PRKD1: variants seen among roughly 807,000 people sequenced by gnomAD.
PRKD1 encodes the protein protein kinase D1.
PRKD1 carries 63 observed loss-of-function variants against 95.9 expected under a neutral mutation model. That is an observed-to-expected ratio of 0.66 (90% CI 0.54 to 0.81). The LOEUF is 0.81. PRKD1 is among the 30% of genes least tolerant of loss of function. PRKD1 has a pLI of 0.00. For missense variants in PRKD1, 1,048 were observed against 1,165.3 expected (o/e 0.90, Z 1.47); for synonymous variants, 425 against 423.1 (o/e 1.00, Z -0.05).
At chr14:29,800,135 T>C (rs1889967409) in intron 1 of PRKD1, among the ~76,000 whole-genome samples, 1 of 152,216 alleles carries the variant, frequency 6.6e-6, no homozygotes, top group South Asian at 2.1e-4. Context: ...CATGAGATTA[T>C]GTATAGGTCG....
At chr14:29,779,568 T>C (rs1010185381) in intron 1 of PRKD1, among the ~76,000 whole-genome samples, 1 of 152,010 alleles carries the variant, frequency 6.6e-6, no homozygotes, top group South Asian at 2.1e-4. Context: ...TACCTAGGAA[T>C]CCAACTTACA....
intron 1 of PRKD1, among the ~76,000 whole-genome samples, chr14:29,869,510 T>G (rs1426217056): frequency 2.0e-5 from 3 of 151,474 alleles, no homozygotes; most frequent in Non-Finnish European, 4.4e-5. Flanking sequence ...TCAGTAAATC[T>G]CAGTAACCAA....
intron 1 of PRKD1, among the ~76,000 whole-genome samples, chr14:29,926,668 G>A (rs558917159): frequency 1.3e-5 from 2 of 152,256 alleles, no homozygotes; most frequent in East Asian, 3.9e-4. Context: ...AGGTTTTGTC[G>A]TTGGAAAATG....
intron 1 of PRKD1, among the ~76,000 whole-genome samples, chr14:29,855,817 A>G (rs1892477701): frequency 6.6e-6 from 1 of 152,022 alleles, no homozygotes; most frequent in Admixed American, 6.5e-5. Context: ...TAAAAATGGG[A>G]GTTTCCCTGC....
intron 16 of PRKD1, among the ~76,000 whole-genome samples, chr14:29,586,397 G>T (rs935315380): frequency 1.3e-5 from 2 of 152,118 alleles, no homozygotes; most frequent in Admixed American, 6.6e-5. Context: ...ACTTAAAGGA[G>T]ACAATTGAAA....
At chr14:29,624,917 C>G (rs1273182654) in intron 12 of PRKD1, among the ~76,000 whole-genome samples, 2 of 152,138 alleles carry the variant, frequency 1.3e-5, no homozygotes, top group Non-Finnish European at 2.9e-5. Context: ...GGAGCACCCC[C>G]AAGTTCTTAA....
intron 1 of PRKD1, among the ~76,000 whole-genome samples, chr14:29,760,194 G>T (rs896626857): frequency 1.3e-5 from 2 of 151,996 alleles, no homozygotes; most frequent in Non-Finnish European, 1.5e-5. Context: ...TGGAGAAATT[G>T]TTCTACATTC....
At chr14:29,803,187 T>A (rs1319241612) in intron 1 of PRKD1, among the ~76,000 whole-genome samples, 1 of 152,080 alleles carries the variant, frequency 6.6e-6, no homozygotes, top group African/African-American at 2.4e-5. Context: ...TGGGCAGAAA[T>A]TATGAGTAGA....
At chr14:29,633,001 A>G (rs1337688842) in intron 8 of PRKD1, 55 bp from the exon 9 acceptor site, 15 of 1,457,460 alleles carry the variant, frequency 1.0e-5, no homozygotes, top group East Asian at 6.8e-5. Flanking sequence ...AATATCCCCA[A>G]TTGAAAACAT....
chr14:29,773,527 A>T (rs1566592204), intron 1 of PRKD1, among the ~76,000 whole-genome samples: 2 of 151,636 alleles, frequency 1.3e-5, no homozygotes, highest in African/African-American at 4.8e-5. Context: ...TACACATATG[A>T]CTCTACATGA....
intron 1 of PRKD1, among the ~76,000 whole-genome samples, chr14:29,731,321 T>G (rs200910446): frequency 6.6e-6 from 1 of 152,180 alleles, no homozygotes; most frequent in East Asian, 1.9e-4. Context: ...TTGCATAAAT[T>G]TAACACTTTT....
chr14:29,805,776 T>C (rs1483190667), intron 1 of PRKD1, among the ~76,000 whole-genome samples: 3 of 152,186 alleles, frequency 2.0e-5, no homozygotes, highest in Admixed American at 6.5e-5. Context: ...CTCCAGAGCA[T>C]GGGCTCTGCT....
intron 8 of PRKD1, 84 bp from the exon 9 acceptor site, chr14:29,633,030 G>T (rs997142179): frequency 4.0e-6 from 5 of 1,263,818 alleles, no homozygotes; most frequent in Non-Finnish European, 4.6e-6. Context: ...TTCCCCAATA[G>T]GGACATGCGA....
At chr14:29,728,182 C>T (rs1886258439) in intron 1 of PRKD1, among the ~76,000 whole-genome samples, 1 of 151,988 alleles carries the variant, frequency 6.6e-6, no homozygotes, top group African/African-American at 2.4e-5. Context: ...GAAATATCTC[C>T]AATAATACTA....
At chr14:29,890,686 C>A (rs1348039853) in intron 1 of PRKD1, among the ~76,000 whole-genome samples, 1 of 152,088 alleles carries the variant, frequency 6.6e-6, no homozygotes, top group Non-Finnish European at 1.5e-5. Context: ...GAAAGATAAT[C>A]TTCCAATTTA....
chr14:29,905,581 T>A (rs892357346), intron 1 of PRKD1, among the ~76,000 whole-genome samples: 1 of 151,952 alleles, frequency 6.6e-6, no homozygotes, highest in Non-Finnish European at 1.5e-5. Context: ...GAAAGGAAAC[T>A]GACCAGCCTT....
At chr14:29,616,014 T>A (rs1362050777) in intron 13 of PRKD1, among the ~76,000 whole-genome samples, 3 of 152,036 alleles carry the variant, frequency 2.0e-5, no homozygotes, top group Non-Finnish European at 2.9e-5. Flanking sequence ...CTTCAAGAGC[T>A]GTATTAAGCA....
chr14:29,899,242 A>G (rs1240725060), intron 1 of PRKD1, among the ~76,000 whole-genome samples: 2 of 152,220 alleles, frequency 1.3e-5, no homozygotes, highest in African/African-American at 4.8e-5. Flanking sequence ...ATTTCATGAA[A>G]TCATTCATGA....
At chr14:29,866,876 T>C (rs979193602) in intron 1 of PRKD1, among the ~76,000 whole-genome samples, 10 of 152,194 alleles carry the variant, frequency 6.6e-5, no homozygotes, top group African/African-American at 2.4e-4. Flanking sequence ...TCTGGAGCAC[T>C]TGAAGGCATG....
Sources: allele counts gnomAD v4.1 joint callset (sites outside exome capture counted in the v4.1 genomes callset), GRCh38; gene constraint gnomAD v4.1.1; transcripts MANE v1.5; gene names NCBI Gene and HGNC (gene_info 2026-07-23, HGNC 2026-07-21).